Variants in SMARCA4 observed in about 807,000 individuals in gnomAD.
SMARCA4 encodes the protein SWI/SNF related BAF chromatin remodeling complex subunit ATPase 4.
Under a neutral mutation model 193.9 loss-of-function variants are expected in SMARCA4, and 31 were observed. The observed-to-expected ratio is 0.16, with a 90% CI of 0.12 to 0.22. SMARCA4 has a LOEUF of 0.22. Ranked by LOEUF, SMARCA4 falls within the 10% of genes least tolerant of loss-of-function variation. The pLI, the probability that SMARCA4 is intolerant of heterozygous loss-of-function variation, is 1.00. For missense variants in SMARCA4, 1,148 were observed against 2,296.0 expected, an observed-to-expected ratio of 0.50 and a Z score of 10.22; for synonymous variants, 942 against 933.1, an observed-to-expected ratio of 1.01 and a Z score of -0.17.
chr19:11,027,626 T>C, intron 23 of SMARCA4, 158 bp from the exon 24 acceptor site: 1 of 786,804 alleles, frequency 1.3e-6, no homozygotes, highest in East Asian at 2.6e-5. Context: ...ATGGCTTTGC[T>C]GAAGCTTTGG....
Position 10,985,170 on chromosome 19 carries a change from T to G in SMARCA4, c.223-103T>G. 8.3e-7 allele frequency: 1 copy of G among 1,206,134 alleles called. No homozygotes were observed. 74.7% of individuals were successfully genotyped at this position (1,206,134 alleles called of 1,614,324 possible). On this transcript the variant is annotated intron_variant, in intron 2 of 34. Transcript: ENST00000344626. The surrounding 1 kb of genome is among the most constrained non-coding windows in gnomAD (Gnocchi z 4.5). ...TGGGGAGATGCGCGTCATCTTCGGG[T>G]GGCTGTTCTCGGTGCCCTCGAGCTT...
chr19:11,044,826 C>T (rs1376260547), intron 30 of SMARCA4, among the ~76,000 whole-genome samples: 2 of 152,230 alleles, frequency 1.3e-5, no homozygotes, highest in African/African-American at 2.4e-5. Flanking sequence ...GAGCTGAGTG[C>T]ATCTGTCCAC....
At position 11,062,103 on chromosome 19, in the gene SMARCA4, G is replaced by GTAC. The variant is rs1317441409; in HGVS notation, c.*289_*291dup. On this transcript the variant is annotated 3_prime_UTR_variant, in exon 35 of 35. Coordinates refer to ENST00000344626, the MANE Select transcript of SMARCA4 (RefSeq NM_003072.5). ...CTGTTTTTCTTTTCCGTTGCTGGCA[G>GTAC]TACTGTTGCGCCGCAGTTTGGAGTC... 1 of 519,974 alleles carries GTAC rather than the reference G, an allele frequency of 1.9e-6. No individual in the cohort carries two copies. Among genetic ancestry groups the GTAC allele is most frequent in the East Asian group, 3.3e-5 (1 of 30,660 alleles). 32.2% of individuals were successfully genotyped at this position (519,974 alleles called of 1,614,324 possible). A position where few individuals can be genotyped will look rare whatever the true frequency, so the allele number is the denominator to read the frequency against.
chr19:10,979,873 C>T (rs561596086), intron 1 of SMARCA4, among the ~76,000 whole-genome samples: 3 of 152,228 alleles, frequency 2.0e-5, no homozygotes, highest in African/African-American at 4.8e-5. Context: ...CCTTCTGGAA[C>T]GTCAGGAGGG....
In SMARCA4 at chr19:10,984,467, G is replaced by A. The variant is rs2145731287; in HGVS notation, c.222+94G>A. On this transcript the variant is annotated intron_variant, in intron 2 of 34. Transcript: ENST00000344626. The surrounding 1 kb of genome is among the most constrained non-coding windows in gnomAD (Gnocchi z 4.3). ...CGAGGGCCTTACTTGGAGGATGGGG[G>A]GAAGCCTTCTTGTTGGAGGTGTCCT... The A allele has an allele frequency of 6.5e-7, 1 of 1,546,552 alleles. No homozygotes were observed. Among genetic ancestry groups the A allele is most frequent in the South Asian group, 1.2e-5 (1 of 83,696 alleles).
chr19:10,966,704 T>C (rs1165624387), intron 1 of SMARCA4, among the ~76,000 whole-genome samples: 1 of 150,842 alleles, frequency 6.6e-6, no homozygotes, highest in African/African-American at 2.4e-5. Context: ...TGGGCAACAT[T>C]GTGAAACCCC....
Position 10,991,248 on chromosome 19 carries a change from C to T in SMARCA4, c.1344C>T (p.Arg448=), listed in dbSNP as rs140328531. The change falls in exon 8 of 35, where the codon CGC becomes CGT. Residue 448 remains arginine, a synonymous_variant. Coordinates refer to ENST00000344626, the MANE Select transcript of SMARCA4 (RefSeq NM_003072.5). ...AGCGCAGCAAGCGCCAGTCCCTGCGCGAGGCCCGCATCACTGAGAAGCTGG... is the reference window on the plus strand; with the variant it reads ...AGCGCAGCAAGCGCCAGTCCCTGCGTGAGGCCCGCATCACTGAGAAGCTGG... ...AYKRSKRQSL[R]EARITEKLEK... 5.1e-5 allele frequency: 83 copies of T among 1,612,876 alleles called. No homozygotes were observed. Among genetic ancestry groups the T allele is most frequent in the African/African-American group, 4.7e-4 (35 of 75,074 alleles).
chr19:11,054,604 C>G lies in SMARCA4; in HGVS notation c.4425-3651C>G, dbSNP rs138491195. Among the ~76,000 whole-genome samples, 159 of 152,318 alleles carry G rather than the reference C, an allele frequency of 1.0e-3. 2 individuals are homozygous for G. The East Asian group carries it at 0.026, about 25-fold the overall frequency. ...GGTCAGGAGTTCGAGACCAGCCTGA[C>G]CAACATGGTGAAACCCGTCTCTACT... On this transcript the variant is annotated intron_variant, in intron 30 of 34. Coordinates refer to ENST00000344626, the MANE Select transcript of SMARCA4 (RefSeq NM_003072.5).
chr19:10,989,092 G>A (rs776725277), intron 6 of SMARCA4, among the ~76,000 whole-genome samples: 1 of 152,230 alleles, frequency 6.6e-6, no homozygotes, highest in Non-Finnish European at 1.5e-5. Context: ...ACCTGGGCGC[G>A]TCTATCAGGA....
chr19:11,052,094 CAAAAAT>C (rs1255336906), intron 30 of SMARCA4, among the ~76,000 whole-genome samples: 1 of 151,390 alleles, frequency 6.6e-6, no homozygotes, highest in Non-Finnish European at 1.5e-5. Flanking sequence ...GACTCCGTCT[CAAAAAT>C]AAATAAATAA....
intron 16 of SMARCA4, among the ~76,000 whole-genome samples, chr19:11,017,750 G>C (rs1179840641): frequency 6.6e-6 from 1 of 152,254 alleles, no homozygotes; most frequent in Non-Finnish European, 1.5e-5. Flanking sequence ...GAAGCACAGG[G>C]TCAGGCCCTA....
intron 25 of SMARCA4, among the ~76,000 whole-genome samples, chr19:11,032,912 C>T (rs1317909325): frequency 2.0e-5 from 3 of 152,220 alleles, no homozygotes. Flanking sequence ...ACAACACGGC[C>T]GAGCTTCGGC....
chr19:11,013,083 T>C lies in SMARCA4; in HGVS notation c.2409T>C (p.Asn803=), dbSNP rs199634608. 2.9e-4 allele frequency: 475 copies of C among 1,614,076 alleles called. No homozygotes were observed. The Middle Eastern group carries it at 3.1e-3, about 11-fold the overall frequency. ...ITYLMEHKRI[N]GPFLIIVPLS... is the part of the protein sequence containing the mutation. Reference sequence around the variant, plus strand: ...ACCTCATGGAGCACAAACGCATCAATGGGCCCTTCCTCATCATCGTGCCTC... The same window carrying C: ...ACCTCATGGAGCACAAACGCATCAACGGGCCCTTCCTCATCATCGTGCCTC... Residue 803 remains asparagine (N), a synonymous_variant, in exon 16 of 35, where the codon AAT becomes AAC. Transcript: ENST00000344626.
rs1353021280 is a variant in SMARCA4 at position 10,995,012 on chromosome 19, G to C, written c.1593+11G>C. On this transcript the variant is annotated intron_variant, in intron 9 of 34. Coordinates refer to ENST00000344626, the MANE Select transcript of SMARCA4 (RefSeq NM_003072.5). ...ATGCGGAGGCTCATGGTATGGTCCT[G>C]CCTTCTTGACGTGCGCTCTTCTACA... 1 of 1,604,488 alleles carries C rather than the reference G, an allele frequency of 6.2e-7. No homozygotes were observed. Among genetic ancestry groups the C allele is most frequent in the Non-Finnish European group, 8.5e-7 (1 of 1,174,952 alleles).
chr19:11,043,144 C>T (rs11665873), intron 30 of SMARCA4, among the ~76,000 whole-genome samples: 3 of 151,676 alleles, frequency 2.0e-5, no homozygotes, highest in South Asian at 2.1e-4. Context: ...TACAAAAATT[C>T]GCCGAGCGTA....
chr19:11,033,896 T>TTA lies in SMARCA4; in HGVS notation c.3873+32_3873+33insAT. The TTA allele has an allele frequency of 1.3e-6, 1 of 773,922 alleles. No individual in the cohort carries two copies. Among genetic ancestry groups the TTA allele is most frequent in the Non-Finnish European group, 2.4e-6 (1 of 417,246 alleles). 47.9% of individuals were successfully genotyped at this position (773,922 alleles called of 1,614,324 possible). A position where few individuals can be genotyped will look rare whatever the true frequency, so the allele number is the denominator to read the frequency against. On this transcript the variant is annotated intron_variant, in intron 27 of 34. Transcript: ENST00000344626. This position sits in a 1 kb window ranked among gnomAD's most constrained non-coding sequence, Gnocchi z 9.8. ...AGGGGTAGTTCAGTCTCCATGCCCATTCAATCCTCGGCTTCTCGGCTGAGA... is the reference window on the plus strand; with the variant it reads ...AGGGGTAGTTCAGTCTCCATGCCCATTATCAATCCTCGGCTTCTCGGCTGAGA...
intron 14 of SMARCA4, among the ~76,000 whole-genome samples, chr19:11,008,940 C>T (rs1476840532): frequency 7.0e-6 from 1 of 143,092 alleles, no homozygotes; most frequent in Non-Finnish European, 1.5e-5. Context: ...CGCCACTGCA[C>T]TCTAGCCTGG....
chr19:11,052,585 A>G (rs79132072), intron 30 of SMARCA4, among the ~76,000 whole-genome samples: 1 of 152,122 alleles, frequency 6.6e-6, no homozygotes, highest in Non-Finnish European at 1.5e-5. Flanking sequence ...CTCACTTCCC[A>G]ATGTCGGGAT....
chr19:10,995,535 G>T, intron 9 of SMARCA4: 1 of 456,066 alleles, frequency 2.2e-6, no homozygotes, highest in Non-Finnish European at 4.4e-6. Flanking sequence ...GAAGGGGAGG[G>T]ACAGGGTAGT....
Sources: allele counts gnomAD v4.1 joint callset (sites outside exome capture counted in the v4.1 genomes callset), GRCh38; gene constraint gnomAD v4.1.1; non-coding constraint Gnocchi (gnomAD v3.1); transcripts MANE v1.5; gene names NCBI Gene and HGNC (gene_info 2026-07-23, HGNC 2026-07-21).